The following IFT43 variants were observed in gnomAD, a reference collection of about 807,000 sequenced individuals.
IFT43 encodes the protein intraflagellar transport 43, also known as intraflagellar transport protein 43 homolog.
IFT43 carries 33 observed loss-of-function variants against 32.3 expected under a neutral mutation model. That is an observed-to-expected ratio of 1.02 (90% CI 0.77 to 1.37). The LOEUF is 1.37. IFT43 is among the 40% of genes most tolerant of loss of function. The pLI, the probability that IFT43 is intolerant of heterozygous loss-of-function variation, is 0.00. For synonymous variants in IFT43, 93 were observed against 98.2 expected (o/e 0.95, Z 0.31); for missense variants, 274 against 265.9 (o/e 1.03, Z -0.21).
chr14:76,069,165 G>A (rs2037276286), intron 5 of IFT43, among the ~76,000 whole-genome samples: 1 of 152,150 alleles, frequency 6.6e-6, no homozygotes, highest in African/African-American at 2.4e-5. Context: ...AGGCAAAGGG[G>A]GAGCAGGCAC....
chr14:76,048,860 G>A lies in IFT43; in HGVS notation c.216-9782G>A, dbSNP rs55730273. 6.7e-3 allele frequency among the ~76,000 whole-genome samples: 1,026 copies of A among 152,292 alleles called. 3 individuals are homozygous for A. Among genetic ancestry groups the A allele is most frequent in the Non-Finnish European group, 0.011 (747 of 68,028 alleles). ...GCCTCCCAGGAGGCTGCCACACATG[G>A]TCCTGTGCTCCCCCAGTGGCTCGCA... is the stretch of plus-strand genomic sequence containing the variant. On this transcript the variant is annotated intron_variant, in intron 3 of 8. Coordinates refer to ENST00000314067, the MANE Select transcript of IFT43 (RefSeq NM_001102564.3).
At chr14:76,007,315 C>G (rs2035997788) in intron 2 of IFT43, among the ~76,000 whole-genome samples, 1 of 152,200 alleles carries the variant, frequency 6.6e-6, no homozygotes. Context: ...TGTCCCTGGT[C>G]TCACCACTGC....
intron 3 of IFT43, among the ~76,000 whole-genome samples, chr14:76,028,098 T>A (rs1216970032): frequency 6.6e-6 from 1 of 152,126 alleles, no homozygotes; most frequent in African/African-American, 2.4e-5. Context: ...GTCCTTAGCT[T>A]ATCAAATTAG....
chr14:76,057,108 C>G lies in IFT43; in HGVS notation c.216-1534C>G, dbSNP rs1211196740. 2.6e-5 allele frequency among the ~76,000 whole-genome samples: 4 copies of G among 152,202 alleles called. No homozygotes were observed. In the South Asian group the frequency reaches 8.3e-4, roughly 31 times the overall value. ...CTTCCAGCTTGACCTACCCATTCTC[C>G]CACCTCACTTCAGCCGTCATTCTTC... On this transcript the variant is annotated intron_variant, in intron 3 of 8. Transcript: ENST00000314067.
chr14:76,065,383 C>A (rs2037209587), intron 5 of IFT43, among the ~76,000 whole-genome samples: 1 of 152,150 alleles, frequency 6.6e-6, no homozygotes, highest in Non-Finnish European at 1.5e-5. Context: ...TAAACGATAT[C>A]CTTATTAAAG....
intron 5 of IFT43, among the ~76,000 whole-genome samples, chr14:76,075,040 C>T (rs981469216): frequency 1.3e-5 from 2 of 152,172 alleles, no homozygotes; most frequent in African/African-American, 4.8e-5. Flanking sequence ...GTATGGGCAC[C>T]CCAAACTGGC....
rs1566699821 is a variant in IFT43 at position 75,999,281 on chromosome 14, A to ATATTTTT, written c.147+10305_147+10306insATTTTTT. Among the ~76,000 whole-genome samples, 11 of 39,058 alleles carry ATATTTTT rather than the reference A, an allele frequency of 2.8e-4. No individual in the cohort carries two copies. In the South Asian group the frequency reaches 3.8e-3, roughly 13 times the overall value. The allele number at this position is 39,058 out of a possible 152,430, so 25.6% of individuals were successfully genotyped here. On this transcript the variant is annotated intron_variant, in intron 2 of 8. Coordinates refer to ENST00000314067, the MANE Select transcript of IFT43 (RefSeq NM_001102564.3). ...TATATATATATATATATGTATATAT[A>ATATTTTT]TTTTTTTTTTTTTTTTTTTAATTTT... is the stretch of plus-strand genomic sequence containing the variant.
intron 5 of IFT43, among the ~76,000 whole-genome samples, chr14:76,075,353 C>T (rs775696639): frequency 2.0e-4 from 31 of 152,120 alleles, no homozygotes; most frequent in Non-Finnish European, 3.1e-4. Context: ...GTGTTTGTGC[C>T]CCTTTTCCCC....
chr14:76,033,290 A>G (rs936779411), intron 3 of IFT43, among the ~76,000 whole-genome samples: 3 of 152,212 alleles, frequency 2.0e-5, no homozygotes, highest in South Asian at 2.1e-4. Context: ...CATGTCTGCA[A>G]TATTCGAGGA....
intron 2 of IFT43, among the ~76,000 whole-genome samples, chr14:76,017,847 C>T (rs1229884018): frequency 6.6e-6 from 1 of 151,976 alleles, no homozygotes; most frequent in Admixed American, 6.6e-5. Context: ...TATACTTGTT[C>T]ATAATAGTCT....
At chr14:76,049,805 C>G (rs1345433192) in intron 3 of IFT43, among the ~76,000 whole-genome samples, 3 of 150,644 alleles carry the variant, frequency 2.0e-5, no homozygotes, top group African/African-American at 7.3e-5. Flanking sequence ...TCATTGAGGT[C>G]TCTATATGTG....
chr14:76,012,587 C>T (rs2036106848), intron 2 of IFT43, among the ~76,000 whole-genome samples: 1 of 152,210 alleles, frequency 6.6e-6, no homozygotes, highest in African/African-American at 2.4e-5. Flanking sequence ...TTTTCAGGAG[C>T]TATGCAGGGT....
At chr14:76,082,763 G>A (rs1280822148) in intron 7 of IFT43, 71 bp downstream of exon 7, 5 of 1,173,720 alleles carry the variant, frequency 4.3e-6, no homozygotes, top group Non-Finnish European at 6.4e-6. Flanking sequence ...AGATTTCTCA[G>A]TTCCTCCCAA....
chr14:75,986,229 A>G (rs1406795465), intron 1 of IFT43: 2 of 1,296,428 alleles, frequency 1.5e-6, no homozygotes, highest in Non-Finnish European at 2.0e-6. Flanking sequence ...CCTTTGGGAC[A>G]CCTCGTCGCA....
intron 3 of IFT43, among the ~76,000 whole-genome samples, chr14:76,032,829 A>G (rs147824765): frequency 6.6e-6 from 1 of 152,310 alleles, no homozygotes; most frequent in African/African-American, 2.4e-5. Context: ...ATGTGGAGAC[A>G]TTTTGGAGGT....
intron 5 of IFT43, among the ~76,000 whole-genome samples, chr14:76,059,840 G>A (rs903313469): frequency 2.0e-5 from 3 of 152,186 alleles, no homozygotes; most frequent in African/African-American, 7.2e-5. Flanking sequence ...TTGTGGAAAC[G>A]AAGGCATGGA....
intron 2 of IFT43, among the ~76,000 whole-genome samples, chr14:76,018,852 TG>T (rs757425291): frequency 3.3e-5 from 5 of 152,050 alleles, no homozygotes; most frequent in Non-Finnish European, 7.4e-5. Context: ...CTGCTTGCTT[TG>T]GGTTCTTATT....
intron 3 of IFT43, among the ~76,000 whole-genome samples, chr14:76,046,265 C>A (rs1186618618): frequency 6.6e-6 from 1 of 152,144 alleles, no homozygotes; most frequent in Non-Finnish European, 1.5e-5. Context: ...TTGTGGAAAG[C>A]AGTGGCCAGC....
intron 5 of IFT43, among the ~76,000 whole-genome samples, chr14:76,063,253 G>A (rs1003878174): frequency 1.3e-5 from 2 of 152,180 alleles, no homozygotes; most frequent in East Asian, 1.9e-4. Flanking sequence ...GCCAGATCTC[G>A]TCTGAAATAT....
Sources: allele counts gnomAD v4.1 joint callset (sites outside exome capture counted in the v4.1 genomes callset), GRCh38; gene constraint gnomAD v4.1.1; transcripts MANE v1.5; gene names NCBI Gene and HGNC (gene_info 2026-07-23, HGNC 2026-07-21).